The following GALNT13 variants were observed in gnomAD, a reference collection of about 807,000 sequenced individuals.
GALNT13 encodes UDP-GalNAc:polypeptide N-acetylgalactosaminyltransferase 13.
GALNT13 carries 28 observed loss-of-function variants against 64.2 expected under a neutral mutation model. The observed-to-expected ratio is 0.44, with a 90% CI of 0.32 to 0.60. GALNT13 has a LOEUF of 0.60. Among genes scored for constraint, GALNT13 ranks in the 20% least tolerant of loss-of-function variants. The probability of loss-of-function intolerance (pLI) is 0.05; values close to 1 mark genes in which losing one functional copy is unlikely to be tolerated. For synonymous variants in GALNT13, 214 were observed against 224.6 expected, an observed-to-expected ratio of 0.95 and a Z score of 0.42; for missense variants, 577 against 669.8, an observed-to-expected ratio of 0.86 and a Z score of 1.53.
the GALNT13 span, among the ~76,000 whole-genome samples, chr2:153,789,400 C>G: frequency 6.6e-6 from 1 of 152,062 alleles, no homozygotes; most frequent in African/African-American, 2.4e-5. Context: ...GCTTGTAGAA[C>G]AAAGATGCAA....
At chr2:153,895,442 A>G (rs913425961) in intron 1 of GALNT13, among the ~76,000 whole-genome samples, 6 of 152,060 alleles carry the variant, frequency 3.9e-5, no homozygotes, top group Admixed American at 3.3e-4. Flanking sequence ...GCCTTTCCGT[A>G]TAAACAATTT....
At chr2:153,087,707 A>G in the GALNT13 span, among the ~76,000 whole-genome samples, 3 of 152,082 alleles carry the variant, frequency 2.0e-5, no homozygotes, top group Non-Finnish European at 1.5e-5. Context: ...GGAGAATTGT[A>G]TATTCCCAGG....
At chr2:153,304,330 A>T in the GALNT13 span, among the ~76,000 whole-genome samples, 1 of 152,024 alleles carries the variant, frequency 6.6e-6, no homozygotes, top group South Asian at 2.1e-4. Context: ...TGCAGATTCC[A>T]CCTATAGATG....
At chr2:153,424,546 T>C in the GALNT13 span, among the ~76,000 whole-genome samples, 1 of 151,868 alleles carries the variant, frequency 6.6e-6, no homozygotes, top group Non-Finnish European at 1.5e-5. Flanking sequence ...CCATTAAGGA[T>C]ATACAAACTA....
At chr2:153,646,210 C>A in the GALNT13 span, among the ~76,000 whole-genome samples, 2 of 151,932 alleles carry the variant, frequency 1.3e-5, no homozygotes, top group African/African-American at 4.8e-5. Flanking sequence ...TGACTGATCA[C>A]AAACAATATT....
At chr2:154,298,645 ACATTG>A (rs1693168179) in intron 8 of GALNT13, among the ~76,000 whole-genome samples, 3 of 84,232 alleles carry the variant, frequency 3.6e-5, no homozygotes, top group Non-Finnish European at 7.2e-5. Flanking sequence ...ATTTATATAT[ACATTG>A]TATATACAAT....
At chr2:153,464,093 A>G in the GALNT13 span, among the ~76,000 whole-genome samples, 1 of 152,078 alleles carries the variant, frequency 6.6e-6, no homozygotes, top group Non-Finnish European at 1.5e-5. Flanking sequence ...AGGTACCTGA[A>G]GATCAATCAG....
chr2:153,074,278 T>C, the GALNT13 span, among the ~76,000 whole-genome samples: 1 of 152,206 alleles, frequency 6.6e-6, no homozygotes, highest in Non-Finnish European at 1.5e-5. Context: ...CTGAGATAAA[T>C]ACTTAGTTCA....
At chr2:153,982,211 A>G (rs1195935571) in intron 3 of GALNT13, among the ~76,000 whole-genome samples, 1 of 152,140 alleles carries the variant, frequency 6.6e-6, no homozygotes, top group Non-Finnish European at 1.5e-5. Context: ...AATCAAAGTG[A>G]CAGGCTCTGA....
At chr2:153,123,214 C>T in the GALNT13 span, among the ~76,000 whole-genome samples, 1 of 152,230 alleles carries the variant, frequency 6.6e-6, no homozygotes, top group African/African-American at 2.4e-5. Flanking sequence ...TGCTGGCAAC[C>T]ACTAGATGCT....
At chr2:153,172,336 G>A in the GALNT13 span, among the ~76,000 whole-genome samples, 1 of 152,138 alleles carries the variant, frequency 6.6e-6, no homozygotes, top group Non-Finnish European at 1.5e-5. Flanking sequence ...CAAATCCCAG[G>A]CTTCTCTTGA....
intron 8 of GALNT13, among the ~76,000 whole-genome samples, chr2:154,288,752 TGGTCTTGCGC>T (rs1692425986): frequency 6.6e-6 from 1 of 152,224 alleles, no homozygotes; most frequent in Non-Finnish European, 1.5e-5. Context: ...TGGGTTTCCA[TGGTCTTGCGC>T]AGCTCCACCA....
intron 7 of GALNT13, among the ~76,000 whole-genome samples, chr2:154,257,965 C>T (rs1690470599): frequency 6.6e-6 from 1 of 152,036 alleles, no homozygotes; most frequent in African/African-American, 2.4e-5. Context: ...CAAAGTCGGG[C>T]CCCACCCCAA....
chr2:153,735,312 T>C, the GALNT13 span, among the ~76,000 whole-genome samples: 1 of 152,062 alleles, frequency 6.6e-6, no homozygotes, highest in Non-Finnish European at 1.5e-5. Context: ...GAGTATATAC[T>C]TTTCCCCCCA....
chr2:154,273,574 T>C (rs1691472148), intron 8 of GALNT13, among the ~76,000 whole-genome samples: 1 of 152,204 alleles, frequency 6.6e-6, no homozygotes. Context: ...TATACAATGG[T>C]GGTCCCATAG....
the GALNT13 span, among the ~76,000 whole-genome samples, chr2:153,688,207 G>A: frequency 6.6e-6 from 1 of 151,994 alleles, no homozygotes; most frequent in East Asian, 1.9e-4. Context: ...AACTACAGTG[G>A]CAAAGTTGAG....
chr2:154,214,502 T>C (rs1454245207), intron 4 of GALNT13, among the ~76,000 whole-genome samples: 1 of 152,120 alleles, frequency 6.6e-6, no homozygotes, highest in Non-Finnish European at 1.5e-5. Flanking sequence ...CATCCAAATC[T>C]CACCTTGATT....
intron 2 of GALNT13, among the ~76,000 whole-genome samples, chr2:153,904,413 C>T (rs1688427675): frequency 6.6e-6 from 1 of 151,832 alleles, no homozygotes; most frequent in Admixed American, 6.6e-5. Flanking sequence ...AGACAGTATT[C>T]CAAAGTAACT....
the GALNT13 span, among the ~76,000 whole-genome samples, chr2:153,461,057 T>A: frequency 1.4e-4 from 21 of 152,160 alleles, no homozygotes; most frequent in Non-Finnish European, 2.2e-4. Context: ...TTAGTAATAT[T>A]TAACTCATAA....
Sources: gnomAD v4.1 joint callset for allele counts (sites outside exome capture counted in the v4.1 genomes callset) on GRCh38, gnomAD v4.1.1 for gene constraint, MANE v1.5 for transcripts, NCBI Gene and HGNC (gene_info 2026-07-23, HGNC 2026-07-21) for gene names.